The following GABRG3 variants were observed in gnomAD, a reference collection of about 807,000 sequenced individuals.
GABRG3 encodes gamma-aminobutyric acid type A receptor subunit gamma3, also known as gamma-aminobutyric acid receptor subunit gamma-3.
GABRG3 carries 25 observed loss-of-function variants against 48.8 expected under a neutral mutation model. The ratio of observed to expected loss-of-function variants is 0.51; its 90% CI spans 0.37 to 0.72. The LOEUF is 0.72. Ranked by LOEUF, GABRG3 falls within the 30% of genes least tolerant of loss-of-function variation. The probability of loss-of-function intolerance (pLI) is 0.00; values close to 1 mark genes in which losing one functional copy is unlikely to be tolerated. For synonymous variants in GABRG3, 227 were observed against 217.6 expected (o/e 1.04, Z -0.38); for missense variants, 394 against 577.9 (o/e 0.68, Z 3.26).
intron 3 of GABRG3, among the ~76,000 whole-genome samples, chr15:27,046,384 G>C (rs746491815): frequency 6.6e-6 from 1 of 152,066 alleles, no homozygotes; most frequent in Admixed American, 6.6e-5. Flanking sequence ...GATTATTGGC[G>C]TGAGCCACCA....
At chr15:27,123,835 A>G (rs1434172401) in intron 3 of GABRG3, among the ~76,000 whole-genome samples, 1 of 152,150 alleles carries the variant, frequency 6.6e-6, no homozygotes, top group Admixed American at 6.5e-5. Flanking sequence ...GGAGGCAAGC[A>G]AAAGGGGAAG....
chr15:27,197,104 C>T (rs534032605), intron 3 of GABRG3, among the ~76,000 whole-genome samples: 1 of 152,156 alleles, frequency 6.6e-6, no homozygotes, highest in African/African-American at 2.4e-5. Context: ...TACAGATAGG[C>T]CCTGATTTAT....
intron 6 of GABRG3, among the ~76,000 whole-genome samples, chr15:27,502,888 T>C (rs1890675258): frequency 6.6e-6 from 1 of 152,358 alleles, no homozygotes; most frequent in Admixed American, 6.5e-5. Context: ...GTGCGCCACC[T>C]GCATCCGCAC....
intron 6 of GABRG3, among the ~76,000 whole-genome samples, chr15:27,485,072 CAAAG>C (rs1226713928): frequency 6.6e-6 from 1 of 152,074 alleles, no homozygotes; most frequent in African/African-American, 2.4e-5. Flanking sequence ...CAGGAGGAGA[CAAAG>C]GAAGGACATG....
chr15:27,463,801 G>C (rs1889521766), intron 5 of GABRG3, among the ~76,000 whole-genome samples: 1 of 152,178 alleles, frequency 6.6e-6, no homozygotes, highest in Non-Finnish European at 1.5e-5. Flanking sequence ...GCAGGGGGAG[G>C]CTGACAGCTG....
chr15:27,440,683 G>C (rs1888757776), intron 5 of GABRG3, among the ~76,000 whole-genome samples: 1 of 152,158 alleles, frequency 6.6e-6, no homozygotes, highest in Non-Finnish European at 1.5e-5. Context: ...GTCTGCATTT[G>C]TAATATTCCT....
intron 5 of GABRG3, among the ~76,000 whole-genome samples, chr15:27,460,324 G>A (rs1283223151): frequency 6.6e-6 from 1 of 152,196 alleles, no homozygotes; most frequent in East Asian, 1.9e-4. Flanking sequence ...TGGAGGCTGA[G>A]CCATGGTTGG....
chr15:27,105,154 G>A (rs1163962767), intron 3 of GABRG3, among the ~76,000 whole-genome samples: 1 of 152,100 alleles, frequency 6.6e-6, no homozygotes, highest in African/African-American at 2.4e-5. Context: ...TCAATGATGT[G>A]AAATTCAGAG....
intron 5 of GABRG3, among the ~76,000 whole-genome samples, chr15:27,375,320 G>A (rs72703840): frequency 0.12 from 17,660 of 152,174 alleles, 1,335 homozygotes; most frequent in African/African-American, 0.2. Context: ...CTGTGTTTGG[G>A]AGAAACAGAG....
intron 3 of GABRG3, among the ~76,000 whole-genome samples, chr15:27,229,537 T>C (rs2376834): frequency 0.22 from 33,978 of 151,642 alleles, 5,956 homozygotes; most frequent in East Asian, 0.48. Context: ...AGTGCAGTGG[T>C]GTGATCTCAG....
chr15:27,473,114 TACTC>T (rs1235501567), intron 5 of GABRG3, among the ~76,000 whole-genome samples: 2 of 152,236 alleles, frequency 1.3e-5, no homozygotes, highest in African/African-American at 4.8e-5. Flanking sequence ...ATCATTGTAA[TACTC>T]ACTATATAAA....
chr15:27,010,694 C>G (rs536117407), intron 2 of GABRG3, among the ~76,000 whole-genome samples: 2 of 152,222 alleles, frequency 1.3e-5, no homozygotes, highest in Non-Finnish European at 2.9e-5. Flanking sequence ...AAAAACACAC[C>G]CATATCCCAA....
At chr15:27,222,535 C>T (rs901526676) in intron 3 of GABRG3, among the ~76,000 whole-genome samples, 5 of 152,144 alleles carry the variant, frequency 3.3e-5, no homozygotes, top group Admixed American at 6.5e-5. Flanking sequence ...TACTTTGATT[C>T]GGGTACTTGA....
chr15:27,506,060 C>T (rs1415953039), intron 6 of GABRG3, among the ~76,000 whole-genome samples: 3 of 152,138 alleles, frequency 2.0e-5, no homozygotes. Flanking sequence ...GCATTGTTCC[C>T]TTACCTTCCC....
chr15:27,189,826 AGT>A (rs1888233737), intron 3 of GABRG3, among the ~76,000 whole-genome samples: 1 of 152,050 alleles, frequency 6.6e-6, no homozygotes, highest in Non-Finnish European at 1.5e-5. Context: ...GAATGCTTCC[AGT>A]TTTTGCCCAT....
At chr15:27,472,422 C>T (rs1368132513) in intron 5 of GABRG3, among the ~76,000 whole-genome samples, 1 of 152,096 alleles carries the variant, frequency 6.6e-6, no homozygotes, top group African/African-American at 2.4e-5. Flanking sequence ...ACTACAGGCA[C>T]ATACCACCAT....
chr15:27,283,148 A>G (rs896074278), intron 3 of GABRG3, among the ~76,000 whole-genome samples: 1 of 152,100 alleles, frequency 6.6e-6, no homozygotes, highest in Non-Finnish European at 1.5e-5. Flanking sequence ...GGCTTTTCCT[A>G]CTGCTGGATG....
intron 3 of GABRG3, among the ~76,000 whole-genome samples, chr15:27,310,642 A>G (rs964985248): frequency 2.6e-5 from 4 of 152,184 alleles, no homozygotes; most frequent in Non-Finnish European, 4.4e-5. Flanking sequence ...TAAAATGTAT[A>G]TAATATGTAG....
intron 5 of GABRG3, among the ~76,000 whole-genome samples, chr15:27,397,965 C>T (rs1192242081): frequency 2.0e-5 from 3 of 152,024 alleles, no homozygotes; most frequent in East Asian, 3.9e-4. Context: ...CCACCACGCC[C>T]GGCTAAATTT....
Sources: gnomAD v4.1 joint callset for allele counts (sites outside exome capture counted in the v4.1 genomes callset) on GRCh38, gnomAD v4.1.1 for gene constraint, MANE v1.5 for transcripts, NCBI Gene and HGNC (gene_info 2026-07-23, HGNC 2026-07-21) for gene names.